FSD1L: variants seen among roughly 807,000 people sequenced by gnomAD.
FSD1L encodes FSD1-like protein.
A neutral mutation model predicts 71.6 loss-of-function variants in FSD1L; 45 were observed. The observed-to-expected ratio is 0.63, with a 90% CI of 0.49 to 0.81. The LOEUF is 0.81. Among genes scored for constraint, FSD1L ranks in the 30% least tolerant of loss-of-function variants. The pLI, the probability that FSD1L is intolerant of heterozygous loss-of-function variation, is 0.00. For missense variants in FSD1L, 561 were observed against 618.1 expected, an observed-to-expected ratio of 0.91 and a Z score of 0.98; for synonymous variants, 197 against 207.2, an observed-to-expected ratio of 0.95 and a Z score of 0.42.
rs934640336 is a variant in FSD1L, at chr9:105,549,351, G to T, written c.*2868G>T. On this transcript the variant is annotated 3_prime_UTR_variant, in exon 14 of 14. Transcript: ENST00000481272. ...AAAGAATTTTTTTACAATTCATTTT[G>T]ACTCTCATGGCTGACCATGTCATTA... The T allele has an allele frequency of 2.6e-5, 4 of 152,030 alleles. No individual in the cohort carries two copies. Among genetic ancestry groups the T allele is most frequent in the Non-Finnish European group, 5.9e-5 (4 of 67,936 alleles). The allele number at this position is 152,030 out of a possible 1,614,324, so 9.4% of individuals were successfully genotyped here.
At chr9:105,523,669 A>G in intron 10 of FSD1L, 1 of 1,600,970 alleles carries the variant, frequency 6.2e-7, no homozygotes, top group South Asian at 1.1e-5. Context: ...ATGTTGACTG[A>G]TAAATATAAA....
At chr9:105,525,844 T>C (rs972126297) in intron 10 of FSD1L, 3 of 1,600,992 alleles carry the variant, frequency 1.9e-6, no homozygotes. Context: ...AAGCACTGGA[T>C]TGACCACTCC....
At chr9:105,461,030 C>CTA (rs1220234112) in intron 1 of FSD1L, among the ~76,000 whole-genome samples, 2 of 152,184 alleles carry the variant, frequency 1.3e-5, no homozygotes, top group Non-Finnish European at 2.9e-5. Flanking sequence ...AACATTTTAA[C>CTA]TTATATCCAC....
chr9:105,465,406 C>T (rs181460435), intron 3 of FSD1L, among the ~76,000 whole-genome samples: 89 of 152,250 alleles, frequency 5.8e-4, no homozygotes, highest in Non-Finnish European at 9.9e-4. Flanking sequence ...TCCATTTTTA[C>T]AAATTCAACA....
intron 9 of FSD1L, among the ~76,000 whole-genome samples, chr9:105,511,496 A>G (rs1229850095): frequency 2.0e-5 from 3 of 152,076 alleles, no homozygotes; most frequent in Middle Eastern, 3.2e-3. Flanking sequence ...TAACCTGTCT[A>G]TTAAGGAATT....
At chr9:105,489,806 TCATCCACGTC>T (rs1832800442) in intron 7 of FSD1L, among the ~76,000 whole-genome samples, 1 of 152,218 alleles carries the variant, frequency 6.6e-6, no homozygotes, top group Non-Finnish European at 1.5e-5. Context: ...ATTTCCAGTT[TCATCCACGTC>T]CCTACAAAGG....
intron 6 of FSD1L, among the ~76,000 whole-genome samples, chr9:105,483,119 T>C (rs919112603): frequency 1.5e-4 from 23 of 152,334 alleles, no homozygotes; most frequent in African/African-American, 5.3e-4. Flanking sequence ...CTCAGCATTA[T>C]ACTTGGCATA....
intron 7 of FSD1L, among the ~76,000 whole-genome samples, chr9:105,491,532 T>TATGTTGAATAGGAGTGGTGAGAG (rs1832939125): frequency 1.3e-5 from 2 of 152,168 alleles, no homozygotes; most frequent in Non-Finnish European, 1.5e-5. Flanking sequence ...CTTCCAACAC[T>TATGTTGAATAGGAGTGGTGAGAG]ATGTTGAATA....
At chr9:105,471,497 G>A (rs1414691845) in intron 4 of FSD1L, among the ~76,000 whole-genome samples, 1 of 151,892 alleles carries the variant, frequency 6.6e-6, no homozygotes, top group East Asian at 1.9e-4. Context: ...TGCCATTTAG[G>A]TTTAGAAAAA....
At chr9:105,498,411 A>G (rs1833557681) in intron 7 of FSD1L, among the ~76,000 whole-genome samples, 2 of 152,200 alleles carry the variant, frequency 1.3e-5, no homozygotes, top group South Asian at 2.1e-4. Flanking sequence ...CATCTAGGCT[A>G]TATTATATAG....
At chr9:105,465,363 C>CA (rs981805981) in intron 3 of FSD1L, among the ~76,000 whole-genome samples, 1 of 151,974 alleles carries the variant, frequency 6.6e-6, no homozygotes, top group Non-Finnish European at 1.5e-5. Flanking sequence ...CAGCCTCTTC[C>CA]AAAAAAATCA....
chr9:105,531,634 T>A (rs78802338), intron 10 of FSD1L, among the ~76,000 whole-genome samples: 3,804 of 152,334 alleles, frequency 0.025, 179 homozygotes, highest in African/African-American at 0.087. Context: ...CAATATTTGC[T>A]GTTGAATAAC....
At chr9:105,446,234 T>C (rs1829642704), upstream of FSD1L, among the ~76,000 whole-genome samples, 1 of 152,244 alleles carries the variant, frequency 6.6e-6, no homozygotes, top group Non-Finnish European at 1.5e-5. Context: ...TTGTTCCTAC[T>C]TTCTAGAATG....
intron 7 of FSD1L, among the ~76,000 whole-genome samples, chr9:105,499,708 T>G (rs1833650748): frequency 6.6e-6 from 1 of 151,616 alleles, no homozygotes; most frequent in Admixed American, 6.6e-5. Context: ...GCATCCTAGA[T>G]CTGTAGTTTG....
At chr9:105,544,539 C>T (rs889047002) in intron 13 of FSD1L, among the ~76,000 whole-genome samples, 5 of 152,064 alleles carry the variant, frequency 3.3e-5, no homozygotes, top group Non-Finnish European at 7.4e-5. Context: ...TGGTTTTCTT[C>T]TAGGGTTTTT....
In FSD1L at chr9:105,512,906, GTAAAAT is replaced by G; in HGVS notation, c.1000_1005del (p.Ile334_Lys335del). 1 of 1,537,842 alleles carries G rather than the reference GTAAAAT, an allele frequency of 6.5e-7. No individual in the cohort carries two copies. Reference sequence around the variant, plus strand: ...CCTACTGGAGGAAAAGGTCAAGAAAGTAAAATTAAAGGAAAAGAGAACAAGGGCAGG... The same window carrying G: ...CCTACTGGAGGAAAAGGTCAAGAAAGTAAAGGAAAAGAGAACAAGGGCAGG... On this transcript the variant is annotated inframe_deletion, in exon 10 of 14. Transcript: ENST00000481272.
At chr9:105,461,808 G>T (rs577674318) in intron 2 of FSD1L, among the ~76,000 whole-genome samples, 193 bp downstream of exon 2, 15 of 152,276 alleles carry the variant, frequency 9.9e-5, no homozygotes, top group African/African-American at 3.4e-4. Flanking sequence ...GAGCCCAGAA[G>T]TTCGAGACCA....
chr9:105,491,119 T>C (rs1832909553), intron 7 of FSD1L, among the ~76,000 whole-genome samples: 1 of 152,174 alleles, frequency 6.6e-6, no homozygotes, highest in South Asian at 2.1e-4. Context: ...TTCATGATAT[T>C]GATTCTTCCT....
In FSD1L at chr9:105,492,713, T is replaced by C. The variant is rs372303416; in HGVS notation, c.586+8211T>C. 7.9e-5 allele frequency among the ~76,000 whole-genome samples: 12 copies of C among 152,306 alleles called. No homozygotes were observed. In the South Asian group the frequency reaches 2.1e-3, roughly 26 times the overall value. ...TGGTATGTTTTGTCTTTGTTCTCATTGGTTTCAAAGAACATCTTTATTTCT... is the reference window on the plus strand; with the variant it reads ...TGGTATGTTTTGTCTTTGTTCTCATCGGTTTCAAAGAACATCTTTATTTCT... On this transcript the variant is annotated intron_variant, in intron 7 of 13. Transcript: ENST00000481272.
Sources: gnomAD v4.1 joint callset for allele counts (sites outside exome capture counted in the v4.1 genomes callset) on GRCh38, gnomAD v4.1.1 for gene constraint, MANE v1.5 for transcripts, NCBI Gene and HGNC (gene_info 2026-07-23, HGNC 2026-07-21) for gene names.